TNR: variants seen among roughly 807,000 people sequenced by gnomAD.
The protein encoded by TNR is tenascin R, also known as tenascin-R.
In TNR, 45 loss-of-function variants were observed where a neutral mutation model predicts 150.4. The observed-to-expected ratio is 0.30, with a 90% CI of 0.24 to 0.38. TNR has a LOEUF of 0.38. TNR is among the 10% of genes least tolerant of loss of function. TNR has a pLI of 1.00. For missense variants in TNR, 1,544 were observed against 1,759.1 expected (o/e 0.88, Z 2.19); for synonymous variants, 687 against 678.4 (o/e 1.01, Z -0.20).
intron 1 of TNR, among the ~76,000 whole-genome samples, chr1:175,561,265 G>C (rs9286909): frequency 0.094 from 14,339 of 152,200 alleles, 729 homozygotes; most frequent in Middle Eastern, 0.14. Context: ...TTGCCTCACT[G>C]TTATTTCAGG....
Position 175,363,719 on chromosome 1 carries a change from C to T in TNR, c.2696G>A (p.Arg899Gln), listed in dbSNP as rs771071400. The change falls in exon 13 of 23, where the codon CGA becomes CAA. Residue 899 changes from arginine to glutamine, a missense_variant. Coordinates refer to ENST00000367674, the MANE Select transcript of TNR (RefSeq NM_003285.3). ...AATCACTTTGTTACCTTGGGTGGGT[C>T]GATATGATACTCGGTAGTAATCGAA... is the stretch of plus-strand genomic sequence containing the variant. ...ASFDYYRVSY[R>Q]PTQVGRLDSS... The T allele has an allele frequency of 1.2e-6, 2 of 1,613,016 alleles. No individual in the cohort carries two copies. Among genetic ancestry groups the T allele is most frequent in the Non-Finnish European group, 1.7e-6 (2 of 1,179,518 alleles).
chr1:175,353,399 T>C (rs1651157726), intron 18 of TNR, among the ~76,000 whole-genome samples: 1 of 152,216 alleles, frequency 6.6e-6, no homozygotes, highest in Non-Finnish European at 1.5e-5. Context: ...AAGTCAGATA[T>C]TAGGTTATTT....
intron 1 of TNR, among the ~76,000 whole-genome samples, chr1:175,570,493 G>A (rs1477954888): frequency 2.0e-5 from 3 of 152,154 alleles, no homozygotes; most frequent in Admixed American, 6.5e-5. Flanking sequence ...TATTACTTTA[G>A]TCTGTGCCAT....
chr1:175,373,913 G>T (rs1290745024), intron 9 of TNR, among the ~76,000 whole-genome samples: 2 of 152,280 alleles, frequency 1.3e-5, no homozygotes, highest in East Asian at 3.9e-4. Flanking sequence ...TTGGGTCTCT[G>T]CAGCCCACTC....
chr1:175,331,109 CTT>C (rs1649854588), intron 20 of TNR, among the ~76,000 whole-genome samples: 3 of 134,148 alleles, frequency 2.2e-5, no homozygotes, highest in African/African-American at 5.8e-5. Context: ...TTCTCTCTCT[CTT>C]TCTTTTCTTT....
chr1:175,534,374 C>T (rs1465557003), intron 1 of TNR, among the ~76,000 whole-genome samples: 2 of 152,182 alleles, frequency 1.3e-5, no homozygotes, highest in Non-Finnish European at 2.9e-5. Flanking sequence ...GTCAGACTAC[C>T]TTCTCACCTC....
chr1:175,347,599 T>C (rs966268640), intron 18 of TNR, among the ~76,000 whole-genome samples: 8 of 152,218 alleles, frequency 5.3e-5, no homozygotes, highest in East Asian at 3.9e-4. Context: ...AGCTAACTTA[T>C]GTATTTTTAG....
intron 1 of TNR, among the ~76,000 whole-genome samples, chr1:175,647,520 G>T (rs934225547): frequency 2.0e-5 from 3 of 151,794 alleles, no homozygotes; most frequent in Non-Finnish European, 4.4e-5. Context: ...AGGGGAAGCT[G>T]GAGGAAATGG....
intron 4 of TNR, among the ~76,000 whole-genome samples, chr1:175,398,872 T>C (rs1050984357): frequency 2.0e-5 from 3 of 152,228 alleles, no homozygotes; most frequent in Non-Finnish European, 2.9e-5. Context: ...GTAGCAGTCA[T>C]ATGAGGTAGT....
intron 1 of TNR, among the ~76,000 whole-genome samples, chr1:175,605,292 C>A (rs1012596990): frequency 6.6e-6 from 1 of 152,162 alleles, no homozygotes; most frequent in East Asian, 1.9e-4. Flanking sequence ...TTCTTATCTG[C>A]AAAATGGTTA....
intron 1 of TNR, among the ~76,000 whole-genome samples, chr1:175,650,832 C>T (rs1664949016): frequency 3.1e-5 from 1 of 32,516 alleles, no homozygotes. Flanking sequence ...CCTTACTACC[C>T]CTCCCCCACC....
At chr1:175,354,208 G>T (rs1651207548) in intron 18 of TNR, among the ~76,000 whole-genome samples, 183 bp downstream of exon 18, 1 of 152,200 alleles carries the variant, frequency 6.6e-6, no homozygotes, top group African/African-American at 2.4e-5. Context: ...TTGTACTGCT[G>T]GTTCCTGCGG....
At chr1:175,736,322 C>T (rs1002865374) in intron 1 of TNR, among the ~76,000 whole-genome samples, 1 of 152,070 alleles carries the variant, frequency 6.6e-6, no homozygotes, top group East Asian at 2.0e-4. Context: ...GATATCGAGA[C>T]CATCCTGGCT....
At chr1:175,659,932 C>G (rs1049597774) in intron 1 of TNR, among the ~76,000 whole-genome samples, 1 of 123,640 alleles carries the variant, frequency 8.1e-6, no homozygotes, top group Non-Finnish European at 1.7e-5. Context: ...CATCGCTGCT[C>G]TTAATTTTTC....
At chr1:175,452,500 G>C (rs779294092) in intron 2 of TNR, among the ~76,000 whole-genome samples, 22 of 152,228 alleles carry the variant, frequency 1.4e-4, no homozygotes, top group Non-Finnish European at 2.9e-4. Flanking sequence ...GAGAGAAGGA[G>C]CTGGCCACAC....
chr1:175,408,502 T>C (rs899238878), intron 2 of TNR, among the ~76,000 whole-genome samples: 1 of 152,208 alleles, frequency 6.6e-6, no homozygotes, highest in Admixed American at 6.5e-5. Context: ...TATACTAGAC[T>C]ATAGTCTGTC....
At chr1:175,541,999 A>T (rs560757853) in intron 1 of TNR, among the ~76,000 whole-genome samples, 78 of 152,264 alleles carry the variant, frequency 5.1e-4, no homozygotes, top group African/African-American at 1.9e-3. Flanking sequence ...ATGTAAACCA[A>T]AGACGCTCTA....
At position 175,562,368 on chromosome 1, in the gene TNR, C is replaced by T. The variant is rs532463209; in HGVS notation, c.-164-33999G>A. ...TTATATGCCCAAGTGCCTCACATGG[C>T]CAGTGATTCCTAAGTGCTAAACAGA... On this transcript the variant is annotated intron_variant, in intron 1 of 22. Transcript: ENST00000367674. Among the ~76,000 whole-genome samples the T allele has an allele frequency of 2.2e-3, 333 of 152,278 alleles. 2 individuals carry two copies. The highest frequency in any genetic ancestry group is 7.9e-3 in the African/African-American group (328 of 41,560).
chr1:175,389,147 G>A (rs1383052044), intron 7 of TNR, among the ~76,000 whole-genome samples: 1 of 152,160 alleles, frequency 6.6e-6, no homozygotes, highest in Non-Finnish European at 1.5e-5. Context: ...CCAAAATTTG[G>A]CACCTTGGTG....
Sources: gnomAD v4.1 joint callset for allele counts (sites outside exome capture counted in the v4.1 genomes callset) on GRCh38, gnomAD v4.1.1 for gene constraint, MANE v1.5 for transcripts, NCBI Gene and HGNC (gene_info 2026-07-23, HGNC 2026-07-21) for gene names.